The following CCDC91 variants were observed in gnomAD, a reference collection of about 807,000 sequenced individuals.
CCDC91 encodes the protein coiled-coil domain containing 91.
Under a neutral mutation model 63.2 loss-of-function variants are expected in CCDC91, and 48 were observed. That is an observed-to-expected ratio of 0.76 (90% CI 0.60 to 0.97). The LOEUF (loss-of-function observed/expected upper bound fraction) is 0.97, where lower values mean the gene tolerates loss of function less well. Ranked by LOEUF, CCDC91 falls within the 50% of genes least tolerant of loss-of-function variation. The probability of loss-of-function intolerance (pLI) is 0.00; values close to 1 mark genes in which losing one functional copy is unlikely to be tolerated. For missense variants in CCDC91, 500 were observed against 494.6 expected (o/e 1.01, Z -0.10); for synonymous variants, 167 against 165.8 (o/e 1.01, Z -0.06).
At chr12:28,210,370 C>G (rs928233456) in intron 1 of CCDC91, among the ~76,000 whole-genome samples, 1 of 152,056 alleles carries the variant, frequency 6.6e-6, no homozygotes, top group Non-Finnish European at 1.5e-5. Context: ...ATTTAAGTGC[C>G]TATTTTTCTT....
intron 3 of CCDC91, chr12:28,268,712 T>A (rs546982550): frequency 1.0e-6 from 1 of 970,414 alleles, no homozygotes; most frequent in East Asian, 1.1e-4. Context: ...TCATCCTGTT[T>A]ACTCAGTAGG....
chr12:28,212,707 C>T (rs566556132), intron 1 of CCDC91, among the ~76,000 whole-genome samples: 12 of 152,134 alleles, frequency 7.9e-5, no homozygotes, highest in African/African-American at 2.4e-4. Context: ...TGAACAAGTC[C>T]GTTTTTTATT....
intron 8 of CCDC91, among the ~76,000 whole-genome samples, chr12:28,415,139 T>G (rs1947560403): frequency 6.6e-6 from 1 of 151,528 alleles, no homozygotes; most frequent in South Asian, 2.2e-4. Context: ...GGTTTATCTA[T>G]TTTTAATTTT....
intron 3 of CCDC91, among the ~76,000 whole-genome samples, chr12:28,267,670 T>C (rs1429486427): frequency 6.4e-5 from 1 of 15,718 alleles, no homozygotes; most frequent in Non-Finnish European, 1.6e-3. Context: ...ATATATTAAT[T>C]ATATTATATG....
At chr12:28,521,315 T>C (rs557743898) in intron 12 of CCDC91, among the ~76,000 whole-genome samples, 93 of 152,232 alleles carry the variant, frequency 6.1e-4, no homozygotes, top group Middle Eastern at 3.4e-3. Flanking sequence ...TTCCTAGGTA[T>C]TTTATTCTCT....
At chr12:28,501,559 A>G (rs1360320365) in intron 12 of CCDC91, among the ~76,000 whole-genome samples, 1 of 151,778 alleles carries the variant, frequency 6.6e-6, no homozygotes, top group Non-Finnish European at 1.5e-5. Flanking sequence ...GATGAAGCCC[A>G]CTTGATCATG....
chr12:28,454,365 C>G (rs1355882963), intron 11 of CCDC91, among the ~76,000 whole-genome samples: 1 of 152,090 alleles, frequency 6.6e-6, no homozygotes, highest in Non-Finnish European at 1.5e-5. Flanking sequence ...TATGCTAATC[C>G]AAACTGCTGT....
chr12:28,546,531 CCAA>C (rs1278232562), intron 12 of CCDC91, among the ~76,000 whole-genome samples: 11 of 151,898 alleles, frequency 7.2e-5, no homozygotes, highest in Non-Finnish European at 4.4e-5. Context: ...GGTAGCATTG[CCAA>C]CTACATATTC....
intron 7 of CCDC91, among the ~76,000 whole-genome samples, chr12:28,376,480 A>C (rs1270904098): frequency 1.3e-5 from 2 of 151,836 alleles, no homozygotes; most frequent in Non-Finnish European, 3.0e-5. Context: ...ATTAAAAAAA[A>C]CAAAAACTTA....
chr12:28,205,523 A>ATT (rs1362075834), intron 1 of CCDC91, among the ~76,000 whole-genome samples: 1 of 152,226 alleles, frequency 6.6e-6, no homozygotes, highest in Non-Finnish European at 1.5e-5. Flanking sequence ...GCAATGAACA[A>ATT]TTTGCAAGTT....
At chr12:28,215,200 C>T (rs1469239751) in intron 1 of CCDC91, among the ~76,000 whole-genome samples, 1 of 152,166 alleles carries the variant, frequency 6.6e-6, no homozygotes, top group African/African-American at 2.4e-5. Flanking sequence ...GGCCATTGGA[C>T]TCAGACTAGA....
Position 28,234,758 on chromosome 12 carries a change from G to GT in CCDC91, c.-14-22430dup, listed in dbSNP as rs112846782. The stretch of plus-strand genomic sequence containing the variant: ...TGGATAGTAAGTTGATAATTTGAAA[G>GT]TTTTTTTTTTTTTTAAAGTTTCAGT... On this transcript the variant is annotated intron_variant, in intron 1 of 12. Coordinates refer to ENST00000536442, the MANE Select transcript of CCDC91 (RefSeq NM_018318.5). 6.4e-3 allele frequency among the ~76,000 whole-genome samples: 915 copies of GT among 142,730 alleles called. 3 individuals carry two copies. The highest frequency in any genetic ancestry group is 8.0e-3 in the Non-Finnish European group (516 of 64,580). The allele number at this position is 142,730 out of a possible 152,430, so 93.6% of individuals were successfully genotyped here. A position where few individuals can be genotyped will look rare whatever the true frequency, so the allele number is the denominator to read the frequency against.
chr12:28,312,214 G>A (rs1939398407), intron 6 of CCDC91, among the ~76,000 whole-genome samples: 2 of 151,806 alleles, frequency 1.3e-5, no homozygotes, highest in Middle Eastern at 3.4e-3. Flanking sequence ...TTGGAGGTGG[G>A]GAAACAGGTT....
At chr12:28,422,632 A>G (rs543314993) in intron 8 of CCDC91, among the ~76,000 whole-genome samples, 1 of 152,150 alleles carries the variant, frequency 6.6e-6, no homozygotes, top group South Asian at 2.1e-4. Flanking sequence ...CTAGCCATAA[A>G]ATTGTTTTTC....
At chr12:28,459,888 A>G (rs761608541) in intron 11 of CCDC91, among the ~76,000 whole-genome samples, 1 of 152,206 alleles carries the variant, frequency 6.6e-6, no homozygotes, top group Non-Finnish European at 1.5e-5. Flanking sequence ...AATGTCTTAG[A>G]CATTCATTTG....
chr12:28,240,933 G>T lies in CCDC91; in HGVS notation c.-14-16269G>T, dbSNP rs1459111624. 2.0e-5 allele frequency among the ~76,000 whole-genome samples: 3 copies of T among 152,090 alleles called. No homozygotes were observed. In the East Asian group the frequency reaches 5.8e-4, roughly 29 times the overall value. On this transcript the variant is annotated intron_variant, in intron 1 of 12. Transcript: ENST00000536442. Reference sequence around the variant, plus strand: ...AGGAGGTATATATTTAATTCTTAAAGAAACTGAACAACTGTTTTCCCAAGT... The same window carrying T: ...AGGAGGTATATATTTAATTCTTAAATAAACTGAACAACTGTTTTCCCAAGT...
chr12:28,336,346 C>T (rs778008951), intron 6 of CCDC91, among the ~76,000 whole-genome samples: 7 of 151,850 alleles, frequency 4.6e-5, no homozygotes, highest in Admixed American at 3.3e-4. Context: ...GGGACGTATC[C>T]GTATTATTTT....
At chr12:28,457,484 C>T (rs1950107553) in intron 11 of CCDC91, among the ~76,000 whole-genome samples, 1 of 148,602 alleles carries the variant, frequency 6.7e-6, no homozygotes, top group Admixed American at 6.8e-5. Context: ...AGTATGGCAA[C>T]ACAAAAACAT....
chr12:28,531,571 T>G (rs1349052743), intron 12 of CCDC91, among the ~76,000 whole-genome samples: 1 of 152,176 alleles, frequency 6.6e-6, no homozygotes. Context: ...TACTGAGTAC[T>G]TTGAAAAATA....
Sources: allele counts gnomAD v4.1 joint callset (sites outside exome capture counted in the v4.1 genomes callset), GRCh38; gene constraint gnomAD v4.1.1; transcripts MANE v1.5; gene names NCBI Gene and HGNC (gene_info 2026-07-23, HGNC 2026-07-21).